Variants in ENPP2 observed in about 807,000 individuals in gnomAD.
ENPP2 encodes ectonucleotide pyrophosphatase/phosphodiesterase 2.
ENPP2 carries 51 observed loss-of-function variants against 120.2 expected under a neutral mutation model. The ratio of observed to expected loss-of-function variants is 0.42; its 90% CI spans 0.34 to 0.54. The LOEUF (loss-of-function observed/expected upper bound fraction) is 0.54. Among genes scored for constraint, ENPP2 ranks in the 20% least tolerant of loss-of-function variants. The probability of loss-of-function intolerance (pLI) is 0.04; values close to 1 mark genes in which losing one functional copy is unlikely to be tolerated. For synonymous variants in ENPP2, 365 were observed against 366.4 expected, an observed-to-expected ratio of 1.00 and a Z score of 0.04; for missense variants, 920 against 1,066.5, an observed-to-expected ratio of 0.86 and a Z score of 1.91.
intron 2 of ENPP2, among the ~76,000 whole-genome samples, chr8:119,634,615 G>T (rs1205755460): frequency 6.6e-6 from 1 of 152,072 alleles, no homozygotes; most frequent in Non-Finnish European, 1.5e-5. Flanking sequence ...TAGATCTCTA[G>T]GCCTTGTATG....
intron 18 of ENPP2, chr8:119,581,084 A>C (rs1812699099): frequency 6.6e-6 from 1 of 151,966 alleles, no homozygotes; most frequent in Non-Finnish European, 1.5e-5. Flanking sequence ...TGGCCAACAT[A>C]GTGAAACCCC....
rs1396626711 is a variant in ENPP2 at position 119,570,813 on chromosome 8, T to G, written c.1809A>C (p.Ala603=). The change falls in exon 20 of 25, where the codon GCA becomes GCC. Residue 603 remains alanine (A), a synonymous_variant. Coordinates refer to ENST00000075322, the MANE Select transcript of ENPP2 (RefSeq NM_001040092.3). ...TATCATATCTAGTCCGATAAAGCAC[T>G]GCAGGTCGCCCATAGAGGAGGTGTC... ...EERHLLYGRP[A]VLYRTRYDIL... 1 of 1,576,524 alleles carries G rather than the reference T, an allele frequency of 6.3e-7. No individual in the cohort carries two copies. The highest frequency in any genetic ancestry group is 1.2e-5 in the South Asian group (1 of 82,014).
chr8:119,601,600 G>A (rs1419200797), intron 9 of ENPP2, 138 bp from the exon 10 acceptor site: 2 of 638,772 alleles, frequency 3.1e-6, no homozygotes, highest in African/African-American at 1.8e-5. Context: ...GTAGTAAAAG[G>A]CCCTCTTTCG....
At chr8:119,640,741 TTTTG>T (rs772821492), upstream of ENPP2, among the ~76,000 whole-genome samples, 18 of 151,944 alleles carry the variant, frequency 1.2e-4, no homozygotes, top group Admixed American at 7.9e-4. Flanking sequence ...GTTTTTTTGT[TTTTG>T]TTTGTTTATT....
intron 8 of ENPP2, among the ~76,000 whole-genome samples, chr8:119,611,321 A>G (rs1438074892): frequency 6.6e-6 from 1 of 152,254 alleles, no homozygotes; most frequent in African/African-American, 2.4e-5. Context: ...GCATTGAGCT[A>G]GGATAAACAG....
intron 2 of ENPP2, among the ~76,000 whole-genome samples, chr8:119,630,884 C>CT (rs796960937): frequency 5.3e-4 from 77 of 146,606 alleles, no homozygotes; most frequent in Middle Eastern, 3.6e-3. Context: ...GCTGCTATCT[C>CT]TTTTTTTTTT....
chr8:119,559,644 GA>G (rs749247153), intron 24 of ENPP2, among the ~76,000 whole-genome samples: 1 of 152,208 alleles, frequency 6.6e-6, no homozygotes, highest in Non-Finnish European at 1.5e-5. Flanking sequence ...TGTGCTGCAA[GA>G]TGCAAAACTA....
intron 1 of ENPP2, among the ~76,000 whole-genome samples, chr8:119,644,357 A>G (rs953576899): frequency 4.6e-5 from 7 of 151,644 alleles, no homozygotes; most frequent in Admixed American, 4.6e-4. Context: ...AATGAACTGG[A>G]TATGGGAGTT....
chr8:119,670,233 G>C (rs1818201078), intron 1 of ENPP2, among the ~76,000 whole-genome samples: 1 of 152,176 alleles, frequency 6.6e-6, no homozygotes. Flanking sequence ...TAGAGAGGGA[G>C]CTGATAGACC....
At chr8:119,568,848 C>T (rs1371455820) in intron 21 of ENPP2, among the ~76,000 whole-genome samples, 4 of 152,186 alleles carry the variant, frequency 2.6e-5, no homozygotes, top group Non-Finnish European at 5.9e-5. Context: ...ACCCTCCCAT[C>T]TTGGCCTCCC....
At position 119,578,113 on chromosome 8, in the gene ENPP2, C is replaced by T. The variant is rs538727518; in HGVS notation, c.1780+2003G>A. Among the ~76,000 whole-genome samples the T allele has an allele frequency of 7.2e-5, 11 of 152,208 alleles. No homozygotes were observed. In the South Asian group the frequency reaches 2.3e-3, roughly 32 times the overall value. ...TCGCCCAGGTTGCAGTGCAGTGGTG[C>T]GATCTCAGCTCACTGCAACCTCTGC... On this transcript the variant is annotated intron_variant, in intron 19 of 24. Transcript: ENST00000075322.
At chr8:119,590,720 T>C (rs1173691907) in intron 12 of ENPP2, 90 bp from the exon 13 acceptor site, 6 of 948,316 alleles carry the variant, frequency 6.3e-6, no homozygotes, top group Middle Eastern at 2.3e-4. Context: ...GGCATCTCTT[T>C]AGTTAGTTTT....
chr8:119,586,554 C>T (rs1248717151), intron 14 of ENPP2, among the ~76,000 whole-genome samples: 1 of 152,102 alleles, frequency 6.6e-6, no homozygotes, highest in East Asian at 1.9e-4. Context: ...AAGATGCATT[C>T]CTGGCTTGTG....
chr8:119,658,679 T>A (rs764992887), intron 1 of ENPP2, among the ~76,000 whole-genome samples: 23 of 152,112 alleles, frequency 1.5e-4, no homozygotes, highest in South Asian at 1.2e-3. Context: ...CTCTCCCCTA[T>A]GCTTATGCCT....
Position 119,635,215 on chromosome 8 carries a change from C to T in ENPP2, c.136+3210G>A, listed in dbSNP as rs139124417. ...ATGATTCTCAAAGAAAAGCTTTATC[C>T]ATAAAGTTGTTAGTGACAGTCTACA... On this transcript the variant is annotated intron_variant, in intron 2 of 24. Transcript: ENST00000075322. Among the ~76,000 whole-genome samples, 593 of 152,260 alleles carry T rather than the reference C, an allele frequency of 3.9e-3. 1 individual carries two copies. Among genetic ancestry groups the T allele is most frequent in the African/African-American group, 0.014 (575 of 41,546 alleles).
chr8:119,598,081 AG>A, intron 11 of ENPP2, among the ~76,000 whole-genome samples: 1 of 152,252 alleles, frequency 6.6e-6, no homozygotes, highest in Admixed American at 6.5e-5. Flanking sequence ...GTAGGCATAT[AG>A]GATACACAGG....
chr8:119,619,430 A>AATT, intron 4 of ENPP2, 126 bp from the exon 5 acceptor site: 1 of 635,782 alleles, frequency 1.6e-6, no homozygotes, highest in Non-Finnish European at 2.7e-6. Flanking sequence ...AAAAAAAAAA[A>AATT]AATTCTGAAA....
intron 4 of ENPP2, among the ~76,000 whole-genome samples, chr8:119,620,521 A>G (rs1380249254): frequency 6.6e-6 from 1 of 152,222 alleles, no homozygotes; most frequent in Non-Finnish European, 1.5e-5. Context: ...AAATCTTTTA[A>G]TGAACTTCTT....
chr8:119,616,518 A>G, intron 7 of ENPP2, 134 bp from the exon 8 acceptor site: 1 of 519,090 alleles, frequency 1.9e-6, no homozygotes, highest in Non-Finnish European at 3.4e-6. Context: ...GACATGTATA[A>G]CCTTCACTGT....
Sources: gnomAD v4.1 joint callset for allele counts (sites outside exome capture counted in the v4.1 genomes callset) on GRCh38, gnomAD v4.1.1 for gene constraint, MANE v1.5 for transcripts, NCBI Gene and HGNC (gene_info 2026-07-23, HGNC 2026-07-21) for gene names.